Variants in ATIC observed in about 807,000 individuals in gnomAD.
ATIC encodes 5-aminoimidazole-4-carboxamide ribonucleotide formyltransferase/IMP cyclohydrolase.
ATIC carries 64 observed loss-of-function variants against 72.5 expected under a neutral mutation model. The ratio of observed to expected loss-of-function variants is 0.88; its 90% CI spans 0.72 to 1.09. ATIC has a LOEUF of 1.09. ATIC is among the 50% of genes least tolerant of loss of function. The probability of loss-of-function intolerance (pLI) is 0.00; values close to 1 mark genes in which losing one functional copy is unlikely to be tolerated. For synonymous variants in ATIC, 281 were observed against 267.1 expected, an observed-to-expected ratio of 1.05 and a Z score of -0.51; for missense variants, 787 against 732.4, an observed-to-expected ratio of 1.07 and a Z score of -0.86.
rs151023583 is a variant in ATIC, at chr2:215,344,787, G to T, written c.1236G>T (p.Glu412Asp). The change falls in exon 13 of 16, where the codon GAG (glutamate) becomes GAT (aspartate). Residue 412 changes from glutamate to aspartate, a missense_variant. Physicochemically the swap from Glu to Asp is conservative, Grantham distance 45 (BLOSUM62 2). Transcript: ENST00000236959. ...NVVTKNKDLP[E>D]SALRDLIVAT... ...TTGTGTATGTGTTTCAGTTGCCAGA[G>T]TCTGCCCTCCGAGACCTCATCGTAG... The T allele has an allele frequency of 2.5e-6, 4 of 1,613,886 alleles. No individual in the cohort carries two copies. The South Asian group carries it at 3.3e-5, about 13-fold the overall frequency.
intron 7 of ATIC, among the ~76,000 whole-genome samples, chr2:215,328,094 A>C (rs2052849682): frequency 6.6e-6 from 1 of 151,424 alleles, no homozygotes; most frequent in Non-Finnish European, 1.5e-5. Flanking sequence ...GGCTGGTCTC[A>C]AACTCCTGAC....
At chr2:215,313,224 C>G (rs2052674310) in intron 2 of ATIC, among the ~76,000 whole-genome samples, 1 of 152,208 alleles carries the variant, frequency 6.6e-6, no homozygotes, top group Non-Finnish European at 1.5e-5. Flanking sequence ...AACAGATTAA[C>G]TTAGGTGGGC....
At chr2:215,319,840 C>T in intron 4 of ATIC, 109 bp downstream of exon 4, 1 of 894,392 alleles carries the variant, frequency 1.1e-6, no homozygotes, top group Non-Finnish European at 1.8e-6. Context: ...TACTGCGTAC[C>T]TTCTGTGTGA....
chr2:215,346,612 TAA>T, intron 13 of ATIC, 145 bp from the exon 14 acceptor site: 1 of 935,108 alleles, frequency 1.1e-6, no homozygotes, highest in Non-Finnish European at 1.7e-6. Flanking sequence ...TTTAATGACT[TAA>T]AAATTATTTA....
chr2:215,357,436 T>G, the ATIC span, among the ~76,000 whole-genome samples: 1 of 152,190 alleles, frequency 6.6e-6, no homozygotes, highest in African/African-American at 2.4e-5. Flanking sequence ...GTTTTAGAGA[T>G]AAATTTGGCT....
In ATIC at chr2:215,346,672, T is replaced by C; in HGVS notation, c.1321-87T>C. On this transcript the variant is annotated intron_variant, in intron 13 of 15. Transcript: ENST00000236959. ...TATGTTCTTCCACAAAACTAATAAA[T>C]AGGTTTTGGAGAATGTGCACAAAAG... 3.4e-6 allele frequency: 5 copies of C among 1,453,830 alleles called. No individual in the cohort carries two copies. In the East Asian group the frequency reaches 9.1e-5, roughly 26 times the overall value. 90.1% of individuals were successfully genotyped at this position (1,453,830 alleles called of 1,614,324 possible). A position where few individuals can be genotyped will look rare whatever the true frequency, so the allele number is the denominator to read the frequency against.
chr2:215,348,987 C>T, intron 14 of ATIC, 107 bp from the exon 15 acceptor site: 7 of 978,628 alleles, frequency 7.2e-6, no homozygotes, highest in Non-Finnish European at 8.8e-6. Flanking sequence ...ATAATAAAAA[C>T]AAGTCCTAAG....
the ATIC span, chr2:215,361,118 T>G: frequency 2.3e-5 from 4 of 170,292 alleles, no homozygotes; most frequent in Non-Finnish European, 5.1e-5. Flanking sequence ...ATTTAAAATA[T>G]CACAGTAACA....
chr2:215,365,730 T>A, the ATIC span: 1 of 1,083,210 alleles, frequency 9.2e-7, no homozygotes, highest in Non-Finnish European at 1.4e-6. Context: ...TTCAGAACCA[T>A]GATCTGGAAA....
chr2:215,347,011 TA>T, intron 14 of ATIC, 70 bp downstream of exon 14: 1 of 1,535,474 alleles, frequency 6.5e-7, no homozygotes, highest in Non-Finnish European at 9.0e-7. Context: ...TAACAGATTT[TA>T]ACTTCATCAC....
In ATIC at chr2:215,332,451, T is replaced by C; in HGVS notation, c.758T>C (p.Leu253Pro). The part of the protein sequence containing the change: ...ALNAWQLVKE[L>P]KEALGIPAAA... ...AACGCCTGGCAGCTGGTGAAGGAAC[T>C]CAAGGAGGCTTTAGGTATTCCAGCC... The change falls in exon 8 of 16, where the codon CTC becomes CCC. Residue 253 changes from leucine to proline, a missense_variant. Physicochemically the swap from Leu to Pro is moderately conservative, Grantham distance 98. Coordinates refer to ENST00000236959, the MANE Select transcript of ATIC (RefSeq NM_004044.7). The C allele has an allele frequency of 6.2e-7, 1 of 1,614,178 alleles. No individual in the cohort carries two copies. The highest frequency in any genetic ancestry group is 8.5e-7 in the Non-Finnish European group (1 of 1,180,036).
At chr2:215,329,396 C>T (rs1416860274) in intron 7 of ATIC, among the ~76,000 whole-genome samples, 1 of 152,166 alleles carries the variant, frequency 6.6e-6, no homozygotes, top group Admixed American at 6.5e-5. Flanking sequence ...ATGGCAGAGG[C>T]GGCCCTGGAC....
the ATIC span, chr2:215,368,067 A>G: frequency 1.2e-6 from 2 of 1,603,940 alleles, no homozygotes; most frequent in Non-Finnish European, 1.7e-6. Context: ...GAGACATCTT[A>G]TTAATCGATT....
intron 6 of ATIC, 29 bp from the exon 7 acceptor site, chr2:215,326,793 G>C: frequency 1.2e-6 from 2 of 1,613,424 alleles, no homozygotes; most frequent in South Asian, 1.1e-5. Flanking sequence ...AGTGCTGCTC[G>C]TGTCTCACAA....
chr2:215,335,020 T>A lies in ATIC; in HGVS notation c.1008+16T>A, dbSNP rs1215570317. 6.3e-7 allele frequency: 1 copy of A among 1,583,136 alleles called. No homozygotes were observed. The highest frequency in any genetic ancestry group is 1.1e-5 in the South Asian group (1 of 90,436). ...TTCCAGAGAAGTTAGTGGACATTCA[T>A]GTATCTTAATCTGTGTGTTGAATAA... is the stretch of plus-strand genomic sequence containing the variant. On this transcript the variant is annotated intron_variant, in intron 10 of 15. Transcript: ENST00000236959.
downstream of ATIC, among the ~76,000 whole-genome samples, chr2:215,354,735 T>C (rs1299557487): frequency 1.3e-5 from 2 of 151,744 alleles, no homozygotes; most frequent in Non-Finnish European, 2.9e-5. Flanking sequence ...GTATCATCTT[T>C]CTAGCTTTGT....
chr2:215,317,706 C>T (rs2052725113), intron 2 of ATIC, among the ~76,000 whole-genome samples: 1 of 152,134 alleles, frequency 6.6e-6, no homozygotes, highest in Admixed American at 6.6e-5. Flanking sequence ...CCAGGCTGGT[C>T]TCAAACTCCC....
chr2:215,320,301 C>A (rs1463010096), intron 4 of ATIC, among the ~76,000 whole-genome samples: 1 of 152,170 alleles, frequency 6.6e-6, no homozygotes, highest in African/African-American at 2.4e-5. Context: ...CAGTGGTTCA[C>A]AGAAGTTGTG....
At chr2:215,319,260 G>C (rs2052742303) in intron 3 of ATIC, among the ~76,000 whole-genome samples, 1 of 152,152 alleles carries the variant, frequency 6.6e-6, no homozygotes, top group Non-Finnish European at 1.5e-5. Flanking sequence ...AGAATATTAT[G>C]CTGGGCATGG....
Sources: gnomAD v4.1 joint callset for allele counts (sites outside exome capture counted in the v4.1 genomes callset) on GRCh38, gnomAD v4.1.1 for gene constraint, MANE v1.5 for transcripts, NCBI Gene and HGNC (gene_info 2026-07-23, HGNC 2026-07-21) for gene names.